The following ADCY7 variants were observed in gnomAD, a reference collection of about 807,000 sequenced individuals.
ADCY7 encodes the protein adenylate cyclase type 7.
A neutral mutation model predicts 120.6 loss-of-function variants in ADCY7; 72 were observed. The ratio of observed to expected loss-of-function variants is 0.60; its 90% confidence interval spans 0.49 to 0.73. ADCY7 has a LOEUF of 0.73. Ranked by LOEUF, ADCY7 falls within the 30% of genes least tolerant of loss-of-function variation. The pLI, the probability that ADCY7 is intolerant of heterozygous loss-of-function variation, is 0.00. For synonymous variants in ADCY7, 661 were observed against 628.0 expected (o/e 1.05, Z -0.78); for missense variants, 1,227 against 1,486.0 (o/e 0.83, Z 2.87).
chr16:50,299,075 G>A (rs201546668), intron 8 of ADCY7, 44 bp downstream of exon 8: 19 of 1,561,792 alleles, frequency 1.2e-5, no homozygotes, highest in East Asian at 6.8e-5. Flanking sequence ...GCCCTGTGGC[G>A]GACCCTCCTG....
rs746837824 is a variant in ADCY7 at position 50,248,523 on chromosome 16, C to T, written c.-64+2320C>T. Among the ~76,000 whole-genome samples the T allele has an allele frequency of 4.6e-5, 7 of 152,288 alleles. No homozygotes were observed. In the East Asian group the frequency reaches 7.7e-4, roughly 17 times the overall value. ...GCAGGCAGGCTAGGCTGTGCTTTTG[C>T]GCATTGAAGGGTAGGCAGGGGCCGT... On this transcript the variant is annotated intron_variant, in intron 1 of 4. Coordinates refer to the ADCY7 transcript ENST00000564044.
chr16:50,277,965 C>T (rs898234106), intron 1 of ADCY7, among the ~76,000 whole-genome samples: 2 of 152,004 alleles, frequency 1.3e-5, no homozygotes, highest in Admixed American at 6.6e-5. Flanking sequence ...CCACTGCGCC[C>T]GGCCTACCAT....
intron 4 of ADCY7, 66 bp downstream of exon 4, chr16:50,291,963 C>A: frequency 2.0e-6 from 3 of 1,513,096 alleles, no homozygotes; most frequent in Non-Finnish European, 1.8e-6. Flanking sequence ...GATGGGGGGG[C>A]CCCCTCTGGG....
intron 2 of ADCY7, 110 bp from the exon 3 acceptor site, chr16:50,290,347 C>T: frequency 2.5e-6 from 3 of 1,218,992 alleles, no homozygotes; most frequent in South Asian, 1.4e-5. Context: ...CATCCACACC[C>T]TTCACGTGGA....
intron 4 of ADCY7, among the ~76,000 whole-genome samples, chr16:50,292,380 G>A (rs2035042102): frequency 6.6e-6 from 1 of 152,242 alleles, no homozygotes; most frequent in African/African-American, 2.4e-5. Flanking sequence ...CAGCCAGCTG[G>A]GCGCTGTGCC....
At chr16:50,268,710 G>A (rs1222194401) in intron 1 of ADCY7, among the ~76,000 whole-genome samples, 2 of 152,150 alleles carry the variant, frequency 1.3e-5, no homozygotes, top group African/African-American at 2.4e-5. Flanking sequence ...TGTAGGGAGA[G>A]CTCAGGAAGT....
chr16:50,290,681 C>CCT, intron 3 of ADCY7, 21 bp downstream of exon 3: 1 of 1,603,560 alleles, frequency 6.2e-7, no homozygotes, highest in Non-Finnish European at 8.5e-7. Context: ...CTCTGGACTC[C>CCT]CTGCCAGCTG....
chr16:50,273,084 T>G (rs2150848269), intron 1 of ADCY7, among the ~76,000 whole-genome samples: 1 of 152,298 alleles, frequency 6.6e-6, no homozygotes, highest in South Asian at 2.1e-4. Context: ...GTGTCCCCAG[T>G]GCCTGTTTAT....
Position 50,306,913 on chromosome 16 carries a change from G to A in ADCY7, c.1753-137G>A, listed in dbSNP as rs946263535. 2.1e-5 allele frequency: 14 copies of A among 657,076 alleles called. No individual in the cohort carries two copies. The South Asian group carries it at 2.7e-4, about 12-fold the overall frequency. 40.7% of individuals were successfully genotyped at this position (657,076 alleles called of 1,614,324 possible). A position where few individuals can be genotyped will look rare whatever the true frequency, so the allele number is the denominator to read the frequency against. ...GGGCTCAAGTGAACCTCCTTCCTCG[G>A]CTCCCAAAGTGCTGGGATTACAAGC... On this transcript the variant is annotated intron_variant, in intron 14 of 25. Coordinates refer to ENST00000673801, the MANE Select transcript of ADCY7 (RefSeq NM_001114.5).
chr16:50,317,124 G>A lies in ADCY7; in HGVS notation c.*1619G>A, dbSNP rs781324678. ...CTGTGTCGTGTGGCTTTATCAGCCC[G>A]AGGAAGGGCAGGTGTATTCTAATTT... On this transcript the variant is annotated 3_prime_UTR_variant, in exon 26 of 26. Coordinates refer to ENST00000673801, the MANE Select transcript of ADCY7 (RefSeq NM_001114.5). 6.5e-6 allele frequency: 1 copy of A among 152,814 alleles called. No individual in the cohort carries two copies. Among genetic ancestry groups the A allele is most frequent in the African/African-American group, 2.4e-5 (1 of 41,452 alleles). The allele number at this position is 152,814 out of a possible 1,614,324, so 9.5% of individuals were successfully genotyped here.
Position 50,305,183 on chromosome 16 carries a change from G to T in ADCY7, c.1595+224G>T, listed in dbSNP as rs574014288. The stretch of plus-strand genomic sequence containing the variant: ...AGCACCTGTTGTATGGTGCCCTGGC[G>T]GGGTCAGTGGAGTCGGTGGAAGGGA... On this transcript the variant is annotated intron_variant, in intron 12 of 25. Transcript: ENST00000673801. 3.3e-5 allele frequency among the ~76,000 whole-genome samples: 5 copies of T among 152,366 alleles called. No homozygotes were observed. In the East Asian group the frequency reaches 9.6e-4, roughly 29 times the overall value.
upstream of ADCY7, chr16:50,266,413 G>T: frequency 6.5e-6 from 1 of 153,264 alleles, no homozygotes. Flanking sequence ...CCAGGCTGCG[G>T]AGAGCAGCAC....
intron 1 of ADCY7, among the ~76,000 whole-genome samples, chr16:50,273,173 C>T (rs1343376212): frequency 1.3e-5 from 2 of 152,118 alleles, no homozygotes; most frequent in African/African-American, 4.8e-5. Flanking sequence ...TGCTGTGTGC[C>T]CACATCTACG....
intron 1 of ADCY7, among the ~76,000 whole-genome samples, chr16:50,276,796 G>T (rs1043758833): frequency 1.3e-5 from 2 of 152,032 alleles, no homozygotes; most frequent in Non-Finnish European, 2.9e-5. Context: ...ATCTCACTAC[G>T]TTGCCCAGGC....
chr16:50,312,844 C>G lies in ADCY7; in HGVS notation c.2605-46C>G, dbSNP rs766510468. 8 of 1,514,056 alleles carry G rather than the reference C, an allele frequency of 5.3e-6. No individual in the cohort carries two copies. In the East Asian group the frequency reaches 1.7e-4, roughly 32 times the overall value. The allele number at this position is 1,514,056 out of a possible 1,614,324, so 93.8% of individuals were successfully genotyped here. ...CTGAGGCCTTGCCACTCTTCCTGTCCCCTCAAGAGGTGAAGTGGTGTAAGG... is the reference window on the plus strand; with the variant it reads ...CTGAGGCCTTGCCACTCTTCCTGTCGCCTCAAGAGGTGAAGTGGTGTAAGG... On this transcript the variant is annotated intron_variant, in intron 21 of 25. Transcript: ENST00000673801.
At chr16:50,274,794 T>C (rs2033782721) in intron 1 of ADCY7, among the ~76,000 whole-genome samples, 1 of 152,142 alleles carries the variant, frequency 6.6e-6, no homozygotes, top group South Asian at 2.1e-4. Context: ...TGTGACTGGC[T>C]TCTCTGCTGG....
At position 50,290,667 on chromosome 16, in the gene ADCY7, G is replaced by C. The variant is rs766791680; in HGVS notation, c.375+7G>C. ...GGCCTGTGCGTGGGAGCAGGTAACA[G>C]GAACTCTGGACTCCCTGCCAGCTGC... On this transcript the variant is annotated splice_region_variant and intron_variant, in intron 3 of 25. Transcript: ENST00000673801. 9 of 1,609,826 alleles carry C rather than the reference G, an allele frequency of 5.6e-6. No homozygotes were observed. Among genetic ancestry groups the C allele is most frequent in the Non-Finnish European group, 7.6e-6 (9 of 1,177,098 alleles).
intron 1 of ADCY7, among the ~76,000 whole-genome samples, chr16:50,250,390 G>A (rs923639913): frequency 6.6e-6 from 1 of 150,558 alleles, no homozygotes; most frequent in Non-Finnish European, 1.5e-5. Context: ...CCGGGAGGCG[G>A]AGGTTGCAGT....
At chr16:50,282,467 G>A (rs1308693714) in intron 1 of ADCY7, among the ~76,000 whole-genome samples, 1 of 152,182 alleles carries the variant, frequency 6.6e-6, no homozygotes, top group Non-Finnish European at 1.5e-5. Flanking sequence ...GGGAGTGTGT[G>A]TGGGGTTGCT....
Sources: allele counts gnomAD v4.1 joint callset (sites outside exome capture counted in the v4.1 genomes callset), GRCh38; gene constraint gnomAD v4.1.1; transcripts MANE v1.5; gene names NCBI Gene and HGNC (gene_info 2026-07-23, HGNC 2026-07-21).